Variants in FAM222B observed in about 807,000 individuals in gnomAD.
FAM222B encodes family with sequence similarity 222 member B.
Under a neutral mutation model 38.0 loss-of-function variants are expected in FAM222B, and 12 were observed. That is an observed-to-expected ratio of 0.32 (90% CI 0.20 to 0.51). The LOEUF is 0.51. Ranked by LOEUF, FAM222B falls within the 20% of genes least tolerant of loss-of-function variation. The pLI, the probability that FAM222B is intolerant of heterozygous loss-of-function variation, is 0.97. For synonymous variants in FAM222B, 329 were observed against 317.2 expected, an observed-to-expected ratio of 1.04 and a Z score of -0.40; for missense variants, 716 against 754.2, an observed-to-expected ratio of 0.95 and a Z score of 0.59.
intron 1 of FAM222B, among the ~76,000 whole-genome samples, chr17:28,813,400 T>G (rs2037889702): frequency 6.6e-6 from 1 of 152,202 alleles, no homozygotes; most frequent in Admixed American, 6.5e-5. Flanking sequence ...TGTGTGATTC[T>G]GACCTGGATC....
chr17:28,822,045 T>C (rs1398375939), intron 1 of FAM222B, among the ~76,000 whole-genome samples: 2 of 150,858 alleles, frequency 1.3e-5, no homozygotes, highest in African/African-American at 4.9e-5. Context: ...ATAGTCAGGC[T>C]GGGTGCAGTG....
chr17:28,834,243 T>C (rs2038763942), intron 1 of FAM222B: 1 of 152,226 alleles, frequency 6.6e-6, no homozygotes, highest in African/African-American at 2.4e-5. Flanking sequence ...ACTTCTATAC[T>C]GTCAACAGAG....
chr17:28,785,448 C>T (rs1021644861), intron 1 of FAM222B, among the ~76,000 whole-genome samples: 8 of 152,174 alleles, frequency 5.3e-5, no homozygotes, highest in African/African-American at 1.4e-4. Flanking sequence ...TTAACAAGCA[C>T]ATATTATATC....
chr17:28,839,232 A>T (rs964706730), intron 1 of FAM222B, among the ~76,000 whole-genome samples: 9 of 152,140 alleles, frequency 5.9e-5, no homozygotes, highest in Non-Finnish European at 1.0e-4. Flanking sequence ...TGATAATAAT[A>T]AGCCAATAAA....
intron 1 of FAM222B, among the ~76,000 whole-genome samples, chr17:28,809,298 CAG>C (rs2037632249): frequency 6.9e-6 from 1 of 144,722 alleles, no homozygotes; most frequent in Non-Finnish European, 1.5e-5. Context: ...CTGCAGTGAG[CAG>C]AGAGATTGTG....
chr17:28,811,836 T>C (rs1450306407), intron 1 of FAM222B, among the ~76,000 whole-genome samples: 2 of 152,290 alleles, frequency 1.3e-5, no homozygotes, highest in African/African-American at 2.4e-5. Context: ...AGGAGGAAAA[T>C]GGTGAAGACA....
intron 1 of FAM222B, among the ~76,000 whole-genome samples, chr17:28,794,702 G>GTCT (rs375249521): frequency 2.4e-4 from 36 of 152,288 alleles, no homozygotes; most frequent in African/African-American, 7.5e-4. Flanking sequence ...GGACCTACAA[G>GTCT]TCTTCTTCTT....
At chr17:28,761,493 T>C (rs776394041) in intron 2 of FAM222B, among the ~76,000 whole-genome samples, 3 of 152,246 alleles carry the variant, frequency 2.0e-5, no homozygotes, top group Admixed American at 2.0e-4. Context: ...AATGCCCAGC[T>C]TGTGGCCTCA....
chr17:28,789,351 C>A (rs1437795301), intron 1 of FAM222B, among the ~76,000 whole-genome samples: 1 of 151,694 alleles, frequency 6.6e-6, no homozygotes, highest in Non-Finnish European at 1.5e-5. Flanking sequence ...GCACCCACCA[C>A]CATGCACAGC....
In FAM222B at chr17:28,824,181, A is replaced by AT. The variant is rs1303140162; in HGVS notation, c.-41+18500dup. Among the ~76,000 whole-genome samples the AT allele has an allele frequency of 2.9e-3, 410 of 140,282 alleles. 2 individuals carry two copies. Among genetic ancestry groups the AT allele is most frequent in the Middle Eastern group, 7.9e-3 (2 of 252 alleles). The allele number at this position is 140,282 out of a possible 152,430, so 92.0% of individuals were successfully genotyped here. A position where few individuals can be genotyped will look rare whatever the true frequency, so the allele number is the denominator to read the frequency against. ...CGTGAGCCACCACGCCCGGCCGAGA[A>AT]TTTTTTTTTTTTTTTTAATTTTAGA... On this transcript the variant is annotated intron_variant, in intron 1 of 2. Coordinates refer to ENST00000581407, the MANE Select transcript of FAM222B (RefSeq NM_001077498.3).
intron 1 of FAM222B, among the ~76,000 whole-genome samples, chr17:28,786,620 T>C (rs1033564269): frequency 2.0e-5 from 3 of 152,156 alleles, no homozygotes; most frequent in Non-Finnish European, 4.4e-5. Context: ...TGACATCTTT[T>C]GGAAGCTGGG....
intron 1 of FAM222B, chr17:28,802,468 G>A (rs1330864707): frequency 1.3e-5 from 2 of 153,180 alleles, no homozygotes; most frequent in African/African-American, 4.8e-5. Context: ...CGCAAAGGGT[G>A]GTAAGAAGAA....
intron 1 of FAM222B, among the ~76,000 whole-genome samples, chr17:28,792,135 C>A (rs1597930761): frequency 6.6e-6 from 1 of 150,878 alleles, no homozygotes; most frequent in South Asian, 2.1e-4. Flanking sequence ...CACGGTGAAA[C>A]CCCGTCTCTA....
chr17:28,806,700 T>C (rs1489590617), intron 1 of FAM222B, among the ~76,000 whole-genome samples: 2 of 152,178 alleles, frequency 1.3e-5, no homozygotes, highest in African/African-American at 4.8e-5. Context: ...TGATTAATAA[T>C]AGCATACTGG....
intron 1 of FAM222B, chr17:28,766,984 G>T (rs2035362111): frequency 3.3e-6 from 1 of 307,390 alleles, no homozygotes; most frequent in Non-Finnish European, 6.2e-6. Context: ...AAGTACAGGT[G>T]CATTTATAAT....
At chr17:28,825,433 CAAAAAAAAAA>C (rs935599439) in intron 1 of FAM222B, among the ~76,000 whole-genome samples, 1 of 41,302 alleles carries the variant, frequency 2.4e-5, no homozygotes, top group Non-Finnish European at 5.3e-5. Context: ...GATCCCGTCT[CAAAAAAAAAA>C]AAAAAAAAAA....
chr17:28,760,712 C>A (rs1030399971), intron 2 of FAM222B, among the ~76,000 whole-genome samples: 3 of 152,196 alleles, frequency 2.0e-5, no homozygotes, highest in African/African-American at 7.2e-5. Context: ...GTACCCAGAG[C>A]TACGACTCTT....
chr17:28,820,257 G>T (rs774850092), intron 1 of FAM222B, among the ~76,000 whole-genome samples: 1 of 152,106 alleles, frequency 6.6e-6, no homozygotes, highest in Admixed American at 6.6e-5. Context: ...AAAAGGCTGA[G>T]AAAAATTTAG....
At chr17:28,795,478 G>A (rs756122235) in intron 1 of FAM222B, among the ~76,000 whole-genome samples, 6 of 152,114 alleles carry the variant, frequency 3.9e-5, no homozygotes, top group South Asian at 2.1e-4. Flanking sequence ...TCTGTTGCCC[G>A]GGCTGGAGCA....
Sources: gnomAD v4.1 joint callset for allele counts (sites outside exome capture counted in the v4.1 genomes callset) on GRCh38, gnomAD v4.1.1 for gene constraint, MANE v1.5 for transcripts, NCBI Gene and HGNC (gene_info 2026-07-23, HGNC 2026-07-21) for gene names.